STK31: variants seen among roughly 807,000 people sequenced by gnomAD.
The protein encoded by STK31 is serine/threonine-protein kinase 31.
A neutral mutation model predicts 129.7 loss-of-function variants in STK31; 89 were observed. That is an observed-to-expected ratio of 0.69 (90% CI 0.58 to 0.82). The LOEUF is 0.82. Among genes scored for constraint, STK31 ranks in the 40% least tolerant of loss-of-function variants. The pLI is 0.00. For synonymous variants in STK31, 448 were observed against 395.3 expected (o/e 1.13, Z -1.58); for missense variants, 1,187 against 1,176.4 (o/e 1.01, Z -0.13).
intron 22 of STK31, among the ~76,000 whole-genome samples, chr7:23,803,900 T>C (rs1269031122): frequency 5.9e-5 from 9 of 152,190 alleles, no homozygotes; most frequent in African/African-American, 2.2e-4. Flanking sequence ...GGTTCTTCAC[T>C]ATATTTTTAG....
chr7:23,765,558 C>CTTTTTTTTTTTTTTTTTTTTT (rs10677070), intron 11 of STK31, among the ~76,000 whole-genome samples: 1 of 129,604 alleles, frequency 7.7e-6, no homozygotes, highest in Admixed American at 8.2e-5. Context: ...ACCTCTTATA[C>CTTTTTTTTTTTTTTTTTTTTT]TTTTTTTTTT....
Position 23,832,409 on chromosome 7 carries a change from G to GTTT in STK31, c.*43_*44insTTT. ...TGCAGAGGTTCTTTTTAAAAACTTT[G>GTTT]GTTTGGTTAATACACAGAAATATCT... On this transcript the variant is annotated 3_prime_UTR_variant, in exon 24 of 24. Coordinates refer to ENST00000355870, the MANE Select transcript of STK31 (RefSeq NM_031414.5). The GTTT allele has an allele frequency of 3.1e-6, 3 of 970,938 alleles. No homozygotes were observed. Among genetic ancestry groups the GTTT allele is most frequent in the South Asian group, 3.1e-5 (2 of 65,192 alleles). 60.1% of individuals were successfully genotyped at this position (970,938 alleles called of 1,614,324 possible).
intron 8 of STK31, among the ~76,000 whole-genome samples, chr7:23,738,575 T>G (rs1787859436): frequency 6.6e-6 from 1 of 152,044 alleles, no homozygotes; most frequent in African/African-American, 2.4e-5. Flanking sequence ...TCTTTTCTTT[T>G]TTTTTTTAAA....
At chr7:23,822,984 T>A (rs1345451070) in intron 23 of STK31, among the ~76,000 whole-genome samples, 3 of 152,246 alleles carry the variant, frequency 2.0e-5, no homozygotes, top group Non-Finnish European at 4.4e-5. Flanking sequence ...ATTTTCTTAA[T>A]CCAGCCTATC....
intron 3 of STK31, among the ~76,000 whole-genome samples, chr7:23,714,598 T>A (rs1786184152): frequency 6.6e-6 from 1 of 152,240 alleles, no homozygotes; most frequent in Non-Finnish European, 1.5e-5. Flanking sequence ...TAGTTTATAT[T>A]TCCTTTTTAA....
chr7:23,821,675 T>C (rs1793791794), intron 23 of STK31, among the ~76,000 whole-genome samples: 1 of 152,164 alleles, frequency 6.6e-6, no homozygotes. Context: ...ATTTGTCTCT[T>C]TTTGTTTTTG....
At chr7:23,817,119 C>A (rs893444785) in intron 23 of STK31, among the ~76,000 whole-genome samples, 5 of 151,940 alleles carry the variant, frequency 3.3e-5, no homozygotes, top group African/African-American at 1.2e-4. Flanking sequence ...ACCTGGGAGG[C>A]AGAGGTTGCA....
chr7:23,820,360 A>G (rs1482643060), intron 23 of STK31, among the ~76,000 whole-genome samples: 1 of 152,166 alleles, frequency 6.6e-6, no homozygotes, highest in East Asian at 1.9e-4. Context: ...AGATGTGGAA[A>G]CTGCAGATAG....
chr7:23,748,310 T>C (rs1788480322), intron 8 of STK31, among the ~76,000 whole-genome samples: 2 of 152,208 alleles, frequency 1.3e-5, no homozygotes, highest in Admixed American at 6.5e-5. Flanking sequence ...AGAGCAGACA[T>C]TGTACGGTTT....
chr7:23,726,051 G>A (rs6461729), intron 4 of STK31: 149,877 of 152,296 alleles, frequency 0.98, 73,811 homozygotes, highest in East Asian at 1. Context: ...GCACCAAGCC[G>A]TTTTTAGGGA....
rs529694330 is a variant in STK31 at position 23,792,467 on chromosome 7, GA to G, written c.2760+1522del. Among the ~76,000 whole-genome samples, 1,510 of 152,198 alleles carry G rather than the reference GA, an allele frequency of 9.9e-3. 10 individuals are homozygous for G. Among genetic ancestry groups the G allele is most frequent in the Non-Finnish European group, 0.015 (1,000 of 67,998 alleles). The stretch of plus-strand genomic sequence containing the variant: ...AGCATTGTTCAGAGAAACTCAAGAA[GA>G]CATAAATAAATGGAGCGATACACCA... On this transcript the variant is annotated intron_variant, in intron 22 of 23. Coordinates refer to ENST00000355870, the MANE Select transcript of STK31 (RefSeq NM_031414.5).
intron 3 of STK31, among the ~76,000 whole-genome samples, chr7:23,715,692 G>C (rs1445381077): frequency 6.6e-6 from 1 of 152,106 alleles, no homozygotes; most frequent in African/African-American, 2.4e-5. Context: ...TGCTTCTCTT[G>C]TTTCTCAGGG....
chr7:23,731,543 A>C (rs189812872), intron 6 of STK31, among the ~76,000 whole-genome samples: 1 of 152,334 alleles, frequency 6.6e-6, no homozygotes, highest in East Asian at 1.9e-4. Flanking sequence ...CTAACATTTG[A>C]ATAAATAGAT....
intron 23 of STK31, among the ~76,000 whole-genome samples, chr7:23,818,619 T>TAA (rs70939858): frequency 1.3e-5 from 2 of 148,632 alleles, no homozygotes; most frequent in African/African-American, 2.5e-5. Flanking sequence ...TTTGTTTTGT[T>TAA]AAAAAAAAAA....
At chr7:23,818,188 G>A (rs1167269534) in intron 23 of STK31, among the ~76,000 whole-genome samples, 3 of 151,922 alleles carry the variant, frequency 2.0e-5, no homozygotes, top group African/African-American at 7.3e-5. Flanking sequence ...AATCTCTGTT[G>A]AGCTATAAAG....
At chr7:23,710,602 C>G (rs1217705526) in intron 1 of STK31, 2 of 1,289,452 alleles carry the variant, frequency 1.6e-6, no homozygotes, top group Middle Eastern at 3.0e-4. Flanking sequence ...TTCCCCTTCT[C>G]GAAAATTCTG....
At chr7:23,710,430 GC>G in intron 1 of STK31, 95 bp downstream of exon 1, 1 of 1,593,372 alleles carries the variant, frequency 6.3e-7, no homozygotes, top group Non-Finnish European at 8.5e-7. Flanking sequence ...CTGGGACGAG[GC>G]CCATTTCAGG....
At chr7:23,753,658 G>A (rs1179787370) in intron 9 of STK31, among the ~76,000 whole-genome samples, 1 of 152,184 alleles carries the variant, frequency 6.6e-6, no homozygotes, top group Non-Finnish European at 1.5e-5. Flanking sequence ...GGTAGGGGGC[G>A]CTTCTTAGAA....
At position 23,762,889 on chromosome 7, in the gene STK31, A is replaced by T; in HGVS notation, c.1382A>T (p.Glu461Val). The change falls in exon 11 of 24, where the codon GAG becomes GTG. Residue 461 changes from glutamate (E) to valine (V), a missense_variant. By Grantham distance (121) the Glu-to-Val change is moderately radical. This residue lies in a region of STK31 where 975 missense variants were observed against 934.9 expected (regional missense o/e 1.04). Transcript: ENST00000355870. ...SVEDFILEVD[E>V]SSLNKRLKTL... The stretch of plus-strand genomic sequence containing the variant: ...GAAGATTTTATTCTGGAAGTTGATG[A>T]GTCATCTCTTAATAAACGCTTAAAA... 1 of 1,606,054 alleles carries T rather than the reference A, an allele frequency of 6.2e-7. No homozygotes were observed. Among genetic ancestry groups the T allele is most frequent in the Non-Finnish European group, 8.5e-7 (1 of 1,176,932 alleles).
Sources: gnomAD v4.1 joint callset for allele counts (sites outside exome capture counted in the v4.1 genomes callset) on GRCh38, gnomAD v4.1.1 for gene constraint, gnomAD v4.1.1 regional missense constraint, MANE v1.5 for transcripts, NCBI Gene and HGNC (gene_info 2026-07-23, HGNC 2026-07-21) for gene names.